SGCD: variants seen among roughly 807,000 people sequenced by gnomAD.
SGCD encodes the protein delta-sarcoglycan.
SGCD carries 18 observed loss-of-function variants against 36.6 expected under a neutral mutation model. That is an observed-to-expected ratio of 0.49 (90% CI 0.34 to 0.73). The LOEUF is 0.73. Ranked by LOEUF, SGCD falls within the 30% of genes least tolerant of loss-of-function variation. The pLI is 0.01. For synonymous variants in SGCD, 133 were observed against 130.6 expected, an observed-to-expected ratio of 1.02 and a Z score of -0.12; for missense variants, 387 against 346.7, an observed-to-expected ratio of 1.12 and a Z score of -0.92.
At position 156,454,097 on chromosome 5, in the gene SGCD, G is replaced by T. The variant is rs115190618; in HGVS notation, c.193-54504G>T. ...ATTGCATACTTTTTTAAAAAAGTGT[G>T]CTTGATTATGTATAAGTCAGACCTC... is the stretch of plus-strand genomic sequence containing the variant. On this transcript the variant is annotated intron_variant, in intron 3 of 8. Coordinates refer to ENST00000337851, the MANE Select transcript of SGCD (RefSeq NM_000337.6). 1.0e-2 allele frequency among the ~76,000 whole-genome samples: 1,516 copies of T among 152,224 alleles called. 23 individuals are homozygous for T. Among genetic ancestry groups the T allele is most frequent in the African/African-American group, 0.034 (1,396 of 41,540 alleles).
intron 3 of SGCD, among the ~76,000 whole-genome samples, chr5:156,431,003 G>A (rs559156227): frequency 1.8e-4 from 28 of 152,240 alleles, no homozygotes; most frequent in African/African-American, 6.7e-4. Flanking sequence ...TTGTAGATAA[G>A]GCAGGTGGGT....
At chr5:156,666,962 A>AAAAATT (rs1185044159) in intron 7 of SGCD, among the ~76,000 whole-genome samples, 1 of 152,196 alleles carries the variant, frequency 6.6e-6, no homozygotes, top group African/African-American at 2.4e-5. Context: ...AATAATAAAT[A>AAAAATT]AAAATTAAAA....
chr5:155,976,938 G>A (rs1490145319), intron 1 of SGCD, among the ~76,000 whole-genome samples: 1 of 152,094 alleles, frequency 6.6e-6, no homozygotes, highest in African/African-American at 2.4e-5. Context: ...CTAGACTCCA[G>A]CAGATTGATT....
chr5:156,572,800 A>G (rs12520464), intron 4 of SGCD, among the ~76,000 whole-genome samples: 7,864 of 152,242 alleles, frequency 0.052, 273 homozygotes, highest in South Asian at 0.1. Flanking sequence ...CCAAACTAAT[A>G]TAATGTAGAC....
chr5:155,753,334 T>TCAAAAAAAAAAAAAAAAAAAAAAAAAAA, the SGCD span, among the ~76,000 whole-genome samples: 2 of 135,836 alleles, frequency 1.5e-5, no homozygotes, highest in African/African-American at 7.1e-5. Flanking sequence ...AGACTTTGTC[T>TCAAAAAAAAAAAAAAAAAAAAAAAAAAA]AAAAAAAAAA....
chr5:156,705,238 A>C (rs565521305), intron 7 of SGCD, among the ~76,000 whole-genome samples: 1 of 152,312 alleles, frequency 6.6e-6, no homozygotes, highest in Admixed American at 6.5e-5. Flanking sequence ...TTGCTAAAGA[A>C]ATTCACTTGT....
intron 1 of SGCD, among the ~76,000 whole-genome samples, chr5:155,879,206 T>C (rs1218783986): frequency 1.3e-5 from 2 of 152,292 alleles, no homozygotes; most frequent in African/African-American, 4.8e-5. Flanking sequence ...AAGCATCAAA[T>C]GTCCTATTCC....
chr5:156,494,738 T>C (rs1172431416), intron 3 of SGCD, among the ~76,000 whole-genome samples: 5 of 152,138 alleles, frequency 3.3e-5, no homozygotes, highest in African/African-American at 1.2e-4. Flanking sequence ...CCTTCCCACT[T>C]TTCTGAATTC....
chr5:155,802,079 C>T, the SGCD span, among the ~76,000 whole-genome samples: 1 of 152,174 alleles, frequency 6.6e-6, no homozygotes, highest in South Asian at 2.1e-4. Context: ...GGACGCCTGA[C>T]CCAAGCTGGG....
intron 3 of SGCD, among the ~76,000 whole-genome samples, chr5:156,430,034 A>G (rs1773864030): frequency 6.6e-6 from 1 of 152,122 alleles, no homozygotes; most frequent in African/African-American, 2.4e-5. Context: ...TGAATTTCCC[A>G]AGAGTCTTTG....
At chr5:156,525,287 T>G (rs1317399960) in intron 4 of SGCD, among the ~76,000 whole-genome samples, 2 of 152,146 alleles carry the variant, frequency 1.3e-5, no homozygotes, top group Non-Finnish European at 2.9e-5. Context: ...AGGTCATAAC[T>G]AATTGTGGTT....
intron 3 of SGCD, among the ~76,000 whole-genome samples, chr5:156,301,401 C>T (rs1317655498): frequency 6.6e-6 from 1 of 151,996 alleles, no homozygotes; most frequent in Admixed American, 6.6e-5. Context: ...TATGCTTTAA[C>T]TTTACTACTC....
intron 3 of SGCD, among the ~76,000 whole-genome samples, chr5:156,262,319 A>G (rs1046974335): frequency 6.6e-6 from 1 of 152,138 alleles, no homozygotes; most frequent in Non-Finnish European, 1.5e-5. Flanking sequence ...ATAAATTCTT[A>G]TCATTGCATT....
At chr5:156,723,426 A>T (rs1755611160) in intron 7 of SGCD, among the ~76,000 whole-genome samples, 1 of 152,200 alleles carries the variant, frequency 6.6e-6, no homozygotes, top group Admixed American at 6.5e-5. Context: ...TCATCCTACC[A>T]ATGGGATTAG....
At chr5:156,424,461 G>A (rs868550512) in intron 3 of SGCD, among the ~76,000 whole-genome samples, 7 of 151,984 alleles carry the variant, frequency 4.6e-5, no homozygotes, top group African/African-American at 9.7e-5. Flanking sequence ...TGGGATATGC[G>A]TTGTGCACAC....
intron 1 of SGCD, among the ~76,000 whole-genome samples, chr5:156,007,089 C>T (rs913141207): frequency 1.3e-5 from 2 of 152,160 alleles, no homozygotes; most frequent in African/African-American, 2.4e-5. Context: ...TTTAAGTACC[C>T]CTGCTACTTC....
At chr5:156,213,484 C>T (rs189103290) in intron 3 of SGCD, among the ~76,000 whole-genome samples, 2 of 152,036 alleles carry the variant, frequency 1.3e-5, no homozygotes, top group East Asian at 3.9e-4. Context: ...AAAAGTCTCC[C>T]ACTGAAGCAA....
At chr5:156,644,043 A>G (rs916061817) in intron 6 of SGCD, among the ~76,000 whole-genome samples, 1 of 152,188 alleles carries the variant, frequency 6.6e-6, no homozygotes, top group African/African-American at 2.4e-5. Context: ...AAAATTTACC[A>G]AAGCAAACTC....
intron 3 of SGCD, among the ~76,000 whole-genome samples, chr5:156,462,009 A>G (rs1326254422): frequency 6.6e-6 from 1 of 152,240 alleles, no homozygotes; most frequent in Non-Finnish European, 1.5e-5. Flanking sequence ...AGGAAGAAAT[A>G]TGTGAAAAGC....
Sources: gnomAD v4.1 joint callset for allele counts (sites outside exome capture counted in the v4.1 genomes callset) on GRCh38, gnomAD v4.1.1 for gene constraint, MANE v1.5 for transcripts, NCBI Gene and HGNC (gene_info 2026-07-23, HGNC 2026-07-21) for gene names.